The following DOCK1 variants were observed in gnomAD, a reference collection of about 807,000 sequenced individuals.
The protein encoded by DOCK1 is dedicator of cytokinesis 1.
In DOCK1, 138 loss-of-function variants were observed where a neutral mutation model predicts 262.7. That is an observed-to-expected ratio of 0.53 (90% confidence interval 0.46 to 0.61). DOCK1 has a LOEUF of 0.61. DOCK1 is among the 20% of genes least tolerant of loss of function. The pLI, the probability that DOCK1 is intolerant of heterozygous loss-of-function variation, is 0.00. For synonymous variants in DOCK1, 866 were observed against 867.4 expected (o/e 1.00, Z 0.03); for missense variants, 1,908 against 2,370.7 (o/e 0.80, Z 4.05).
At chr10:127,019,823 T>C (rs1335435665) in intron 13 of DOCK1, among the ~76,000 whole-genome samples, 2 of 152,174 alleles carry the variant, frequency 1.3e-5, no homozygotes, top group Non-Finnish European at 2.9e-5. Flanking sequence ...CCTATCCAGA[T>C]TAAACTGTAG....
chr10:127,130,553 T>C (rs2050260963), intron 27 of DOCK1, among the ~76,000 whole-genome samples: 1 of 152,222 alleles, frequency 6.6e-6, no homozygotes, highest in South Asian at 2.1e-4. Flanking sequence ...AAGGGTAGAA[T>C]AGACCCTGCA....
chr10:126,907,141 G>A (rs1236534186), intron 1 of DOCK1, among the ~76,000 whole-genome samples: 1 of 130 alleles, frequency 7.7e-3, no homozygotes, highest in African/African-American at 0.016. Context: ...GAGAGGTTCG[G>A]GGTGGATATT....
At chr10:127,187,955 A>C (rs2056434298) in intron 27 of DOCK1, among the ~76,000 whole-genome samples, 1 of 152,166 alleles carries the variant, frequency 6.6e-6, no homozygotes, top group Admixed American at 6.5e-5. Flanking sequence ...TATCTTTTTC[A>C]CCCTTTGTTG....
intron 2 of DOCK1, 61 bp downstream of exon 2, chr10:126,970,846 T>C (rs2038051616): frequency 3.8e-6 from 6 of 1,565,244 alleles, no homozygotes; most frequent in African/African-American, 1.3e-5. Context: ...ACCTTCTCAG[T>C]GCCTGCTGGG....
At position 126,963,640 on chromosome 10, in the gene DOCK1, C is replaced by CCTTCCTTCCTTCCT. The variant is rs2037434249; in HGVS notation, c.47-7062_47-7061insCTTCCTTCCTTCCT. Among the ~76,000 whole-genome samples, 21 of 65,134 alleles carry CCTTCCTTCCTTCCT rather than the reference C, an allele frequency of 3.2e-4. 1 individual carries two copies. The highest frequency in any genetic ancestry group is 1.4e-3 in the African/African-American group (21 of 15,038). The allele number at this position is 65,134 out of a possible 152,430, so 42.7% of individuals were successfully genotyped here. ...CTTCCCTTCCCTTCCCTTCCCTTCC[C>CCTTCCTTCCTTCCT]TCCTTCCTTCCTTCCTTCCTTCCTT... On this transcript the variant is annotated intron_variant, in intron 1 of 51. Transcript: ENST00000623213.
intron 27 of DOCK1, among the ~76,000 whole-genome samples, chr10:127,134,730 C>A (rs568790922): frequency 1.3e-5 from 2 of 152,264 alleles, no homozygotes; most frequent in African/African-American, 4.8e-5. Flanking sequence ...GAAGAGGAAT[C>A]CCCTTCTTCT....
intron 23 of DOCK1, among the ~76,000 whole-genome samples, chr10:127,098,716 T>C (rs756302520): frequency 1.1e-4 from 16 of 152,122 alleles, no homozygotes; most frequent in Non-Finnish European, 1.6e-4. Flanking sequence ...CCCACATGCA[T>C]TCATAGATTT....
chr10:127,327,140 A>T (rs1396614114), intron 29 of DOCK1, among the ~76,000 whole-genome samples: 1 of 152,236 alleles, frequency 6.6e-6, no homozygotes, highest in Non-Finnish European at 1.5e-5. Flanking sequence ...ATTGGCTTCA[A>T]CTTAAAGTCG....
At chr10:127,331,729 G>C (rs1200469361) in intron 29 of DOCK1, among the ~76,000 whole-genome samples, 1 of 152,182 alleles carries the variant, frequency 6.6e-6, no homozygotes, top group African/African-American at 2.4e-5. Context: ...TCTGTACACT[G>C]ATGTTCATAG....
intron 23 of DOCK1, among the ~76,000 whole-genome samples, chr10:127,097,801 G>A (rs1220453112): frequency 6.6e-6 from 1 of 152,196 alleles, no homozygotes; most frequent in East Asian, 1.9e-4. Context: ...TAATGAACAG[G>A]CGAAGAGTAA....
chr10:127,344,082 A>C, intron 31 of DOCK1: 1 of 210,166 alleles, frequency 4.8e-6, no homozygotes, highest in Non-Finnish European at 9.4e-6. Context: ...TTCAATTCGA[A>C]AGGAGCTTCT....
At chr10:127,370,353 C>T (rs2065141028) in intron 33 of DOCK1, among the ~76,000 whole-genome samples, 1 of 152,164 alleles carries the variant, frequency 6.6e-6, no homozygotes, top group Non-Finnish European at 1.5e-5. Context: ...TCGGAGCCCT[C>T]CATCAAGGCG....
intron 38 of DOCK1, among the ~76,000 whole-genome samples, chr10:127,390,954 C>A (rs1348983445): frequency 6.6e-6 from 1 of 152,172 alleles, no homozygotes; most frequent in Non-Finnish European, 1.5e-5. Context: ...AGACTTTGCT[C>A]TTGTTGAGCG....
At chr10:127,082,420 A>G (rs1240263846) in intron 23 of DOCK1, among the ~76,000 whole-genome samples, 2 of 152,148 alleles carry the variant, frequency 1.3e-5, no homozygotes, top group South Asian at 2.1e-4. Flanking sequence ...CCTCACAATC[A>G]TGGCGGAAGG....
At chr10:127,309,483 C>T (rs1222738308) in intron 29 of DOCK1, among the ~76,000 whole-genome samples, 2 of 152,116 alleles carry the variant, frequency 1.3e-5, no homozygotes, top group Admixed American at 6.5e-5. Context: ...GTTGCAGTTG[C>T]TTTTGGCATT....
chr10:127,084,857 T>TA (rs1357180225), intron 23 of DOCK1, among the ~76,000 whole-genome samples: 1 of 152,084 alleles, frequency 6.6e-6, no homozygotes, highest in Non-Finnish European at 1.5e-5. Context: ...TGAGGCATCT[T>TA]ACCTCCTGAA....
chr10:127,120,285 A>G (rs1273256827), intron 25 of DOCK1, among the ~76,000 whole-genome samples: 3 of 152,240 alleles, frequency 2.0e-5, no homozygotes, highest in African/African-American at 7.2e-5. Context: ...ATGCCAGTTC[A>G]TAAAAATGAG....
intron 23 of DOCK1, among the ~76,000 whole-genome samples, chr10:127,099,184 A>C (rs1300680846): frequency 6.6e-6 from 1 of 152,162 alleles, no homozygotes; most frequent in Non-Finnish European, 1.5e-5. Context: ...ATGCTTCTTG[A>C]AAATAAAGAG....
chr10:126,995,949 A>G lies in DOCK1; in HGVS notation c.474-799A>G, dbSNP rs2040160505. On this transcript the variant is annotated intron_variant, in intron 6 of 51. Coordinates refer to ENST00000623213, the MANE Select transcript of DOCK1 (RefSeq NM_001290223.2). This position sits in a 1 kb window ranked among gnomAD's most constrained non-coding sequence, Gnocchi z 5.8. The stretch of plus-strand genomic sequence containing the variant: ...AGTGGGGAGTAAAAAGGTGGTGGAT[A>G]GATCTCTCCTCCAAGTTTTCTTCCC... 6.6e-6 allele frequency among the ~76,000 whole-genome samples: 1 copy of G among 152,192 alleles called. No homozygotes were observed. The highest frequency in any genetic ancestry group is 1.5e-5 in the Non-Finnish European group (1 of 68,024).
Sources: gnomAD v4.1 joint callset for allele counts (sites outside exome capture counted in the v4.1 genomes callset) on GRCh38, gnomAD v4.1.1 for gene constraint, Gnocchi (gnomAD v3.1) non-coding constraint, MANE v1.5 for transcripts, NCBI Gene and HGNC (gene_info 2026-07-23, HGNC 2026-07-21) for gene names.